SKIL: variants seen among roughly 807,000 people sequenced by gnomAD.
The protein encoded by SKIL is ski-like protein.
Under a neutral mutation model 69.6 loss-of-function variants are expected in SKIL, and 20 were observed. The observed-to-expected ratio is 0.29, with a 90% CI of 0.20 to 0.42. The LOEUF is 0.42. Ranked by LOEUF, SKIL falls within the 10% of genes least tolerant of loss-of-function variation. The probability of loss-of-function intolerance (pLI) is 1.00; values close to 1 mark genes in which losing one functional copy is unlikely to be tolerated. For synonymous variants in SKIL, 310 were observed against 279.9 expected (o/e 1.11, Z -1.08); for missense variants, 745 against 783.1 (o/e 0.95, Z 0.58).
intron 6 of SKIL, among the ~76,000 whole-genome samples, 184 bp from the exon 7 acceptor site, chr3:170,392,075 C>T (rs1737953653): frequency 6.6e-6 from 1 of 152,118 alleles, no homozygotes; most frequent in Admixed American, 6.6e-5. Context: ...TGTTCCTTTG[C>T]TTTTTCTTAA....
At chr3:170,388,327 C>G (rs1487942368) in intron 4 of SKIL, among the ~76,000 whole-genome samples, 3 of 135,786 alleles carry the variant, frequency 2.2e-5, no homozygotes, top group African/African-American at 7.9e-5. Flanking sequence ...CTATTCAGGT[C>G]TTTTGGCTAT....
At chr3:170,365,816 C>T (rs28480463) in intron 2 of SKIL, among the ~76,000 whole-genome samples, 111,541 of 146,884 alleles carry the variant, frequency 0.76, 42,635 homozygotes, top group East Asian at 0.85. Context: ...AGTGCAATGG[C>T]GCGATCTTGG....
chr3:170,372,183 TC>T (rs1736829422), intron 2 of SKIL, among the ~76,000 whole-genome samples: 1 of 152,208 alleles, frequency 6.6e-6, no homozygotes, highest in Admixed American at 6.5e-5. Flanking sequence ...GTATTTTTCT[TC>T]AAGTTCTAAA....
At chr3:170,376,394 C>A (rs528941033) in intron 2 of SKIL, among the ~76,000 whole-genome samples, 1 of 152,028 alleles carries the variant, frequency 6.6e-6, no homozygotes, top group Non-Finnish European at 1.5e-5. Context: ...AACTTATCCT[C>A]GTTCATTGAC....
chr3:170,378,549 C>T (rs1229151687), intron 2 of SKIL, among the ~76,000 whole-genome samples: 1 of 55,516 alleles, frequency 1.8e-5, no homozygotes, highest in Non-Finnish European at 4.7e-5. Flanking sequence ...CTCTCTCTCT[C>T]TCTCTTTTTT....
In SKIL at chr3:170,391,037, A is replaced by C; in HGVS notation, c.1673A>C (p.Glu558Ala). Residue 558 changes from glutamate (E) to alanine (A), a missense_variant and splice_region_variant, in exon 6 of 7, where the codon GAA (glutamate) becomes GCA (alanine). Transcript: ENST00000259119. ...ILQKKQQLQM[E>A]VKMLSSSKSM... Reference sequence around the variant, plus strand: ...GTATTGTGATTCTTTACATTACAGGAAGTAAAAATGTTGAGTAGTTCAAAA... The same window carrying C: ...GTATTGTGATTCTTTACATTACAGGCAGTAAAAATGTTGAGTAGTTCAAAA... The C allele has an allele frequency of 6.8e-7, 1 of 1,479,106 alleles. No individual in the cohort carries two copies. Among genetic ancestry groups the C allele is most frequent in the Non-Finnish European group, 9.4e-7 (1 of 1,068,660 alleles). The allele number at this position is 1,479,106 out of a possible 1,614,324, so 91.6% of individuals were successfully genotyped here.
chr3:170,379,267 T>C (rs768096901), intron 2 of SKIL, among the ~76,000 whole-genome samples: 13 of 152,300 alleles, frequency 8.5e-5, no homozygotes, highest in African/African-American at 1.2e-4. Context: ...CATGAGCCAC[T>C]GCGCCTGGCC....
At chr3:170,370,237 T>C (rs1736735132) in intron 2 of SKIL, among the ~76,000 whole-genome samples, 1 of 151,936 alleles carries the variant, frequency 6.6e-6, no homozygotes, top group Admixed American at 6.6e-5. Context: ...AGACTCCGTC[T>C]CAAAAAAATA....
In SKIL at chr3:170,361,062, G is replaced by T; in HGVS notation, c.731G>T (p.Ser244Ile). The T allele has an allele frequency of 6.2e-7, 1 of 1,614,208 alleles. No homozygotes were observed. The highest frequency in any genetic ancestry group is 8.5e-7 in the Non-Finnish European group (1 of 1,180,046). Residue 244 changes from serine (S) to isoleucine (I), a missense_variant, in exon 2 of 7, where the codon AGC (serine) becomes ATC (isoleucine). By Grantham distance (142) the Ser-to-Ile change is moderately radical. Transcript: ENST00000259119. Reference protein sequence around the residue: ...LRPRTFPQNGSVLPAKSSLAQ... With the variant: ...LRPRTFPQNGIVLPAKSSLAQ... ...CCACGAACTTTTCCTCAAAATGGTA[G>T]CGTACTTCCTGCTAAAAGCTCATTG...
intron 2 of SKIL, among the ~76,000 whole-genome samples, chr3:170,379,354 T>G (rs1057074680): frequency 6.6e-6 from 1 of 152,174 alleles, no homozygotes; most frequent in Non-Finnish European, 1.5e-5. Flanking sequence ...AACTCGTTCC[T>G]AATCGCATTC....
chr3:170,368,741 A>G (rs2108899792), intron 2 of SKIL, among the ~76,000 whole-genome samples: 1 of 152,330 alleles, frequency 6.6e-6, no homozygotes, highest in Middle Eastern at 3.4e-3. Flanking sequence ...CACAGTAATT[A>G]CAGTAGTTGG....
At chr3:170,387,120 C>T (rs1210927581) in intron 4 of SKIL, among the ~76,000 whole-genome samples, 3 of 151,580 alleles carry the variant, frequency 2.0e-5, no homozygotes, top group Admixed American at 1.3e-4. Flanking sequence ...CGGGTTCAAG[C>T]GATTCTCCTG....
intron 6 of SKIL, 119 bp from the exon 7 acceptor site, chr3:170,392,140 G>A: frequency 1.4e-6 from 1 of 736,590 alleles, no homozygotes; most frequent in African/African-American, 1.8e-5. Flanking sequence ...AATGGATTTA[G>A]TATACATGAA....
intron 4 of SKIL, among the ~76,000 whole-genome samples, chr3:170,388,594 G>A (rs896524952): frequency 3.3e-5 from 5 of 151,694 alleles, no homozygotes; most frequent in Non-Finnish European, 7.4e-5. Context: ...CACCATGCTC[G>A]GCTAATTTTT....
At chr3:170,373,608 G>A (rs1014726695) in intron 2 of SKIL, among the ~76,000 whole-genome samples, 1 of 152,164 alleles carries the variant, frequency 6.6e-6, no homozygotes, top group African/African-American at 2.4e-5. Context: ...CTTAATTAAA[G>A]ATCAAAATAG....
intron 2 of SKIL, among the ~76,000 whole-genome samples, chr3:170,363,571 C>T (rs570031099): frequency 1.3e-5 from 2 of 151,994 alleles, no homozygotes; most frequent in East Asian, 1.9e-4. Flanking sequence ...TTGCAGCCTC[C>T]GCCTCCTGGG....
Position 170,384,699 on chromosome 3 carries a change from G to A in SKIL, c.1363G>A (p.Asp455Asn), listed in dbSNP as rs766832508. The change falls in exon 4 of 7, where the codon GAT (aspartate) becomes AAT (asparagine). Residue 455 changes from aspartate to asparagine, a missense_variant. Coordinates refer to ENST00000259119, the MANE Select transcript of SKIL (RefSeq NM_005414.5). The part of the protein sequence containing the change: ...GKLQKTVSYP[D>N]VSLEEQEKMD... ...ACTTCAAAAAACAGTGTCTTATCCA[G>A]ATGTCTCACTTGAGGAACAGGAGAA... 2.5e-6 allele frequency: 4 copies of A among 1,612,804 alleles called. No individual in the cohort carries two copies. Among genetic ancestry groups the A allele is most frequent in the Non-Finnish European group, 3.4e-6 (4 of 1,179,170 alleles).
At chr3:170,389,324 T>C (rs1208145107) in intron 4 of SKIL, among the ~76,000 whole-genome samples, 4 of 150,988 alleles carry the variant, frequency 2.6e-5, no homozygotes, top group Non-Finnish European at 5.9e-5. Context: ...TCCTTTTTTT[T>C]TTTTTTTGAG....
intron 5 of SKIL, among the ~76,000 whole-genome samples, chr3:170,390,791 T>G (rs1737872318): frequency 6.6e-6 from 1 of 152,230 alleles, no homozygotes; most frequent in African/African-American, 2.4e-5. Context: ...CCCTGTATAT[T>G]CTTAGTAAGA....
Sources: gnomAD v4.1 joint callset for allele counts (sites outside exome capture counted in the v4.1 genomes callset) on GRCh38, gnomAD v4.1.1 for gene constraint, MANE v1.5 for transcripts, NCBI Gene and HGNC (gene_info 2026-07-23, HGNC 2026-07-21) for gene names.